The following KDM2A variants were observed in gnomAD, a reference collection of about 807,000 sequenced individuals.
The protein encoded by KDM2A is lysine demethylase 2A.
Under a neutral mutation model 137.3 loss-of-function variants are expected in KDM2A, and 3 were observed. That is an observed-to-expected ratio of 0.02 (90% CI 0.01 to 0.06). The LOEUF is 0.06. KDM2A is among the 10% of genes least tolerant of loss of function. KDM2A has a pLI of 1.00. For missense variants in KDM2A, 738 were observed against 1,510.6 expected, an observed-to-expected ratio of 0.49 and a Z score of 8.48; for synonymous variants, 512 against 541.5, an observed-to-expected ratio of 0.95 and a Z score of 0.76.
rs1843923712 is a variant in KDM2A at position 67,199,275 on chromosome 11, C to T, written c.308-8235C>T. Among the ~76,000 whole-genome samples, 2 of 152,168 alleles carry T rather than the reference C, an allele frequency of 1.3e-5. 1 individual carries two copies. Among genetic ancestry groups the T allele is most frequent in the South Asian group, 4.1e-4 (2 of 4,832 alleles). ...ATTGAAATTAGGCCAACTAATAACA[C>T]ATGGCCTCTTAAGTGTTCAAGTGAA... On this transcript the variant is annotated intron_variant, in intron 5 of 20. Transcript: ENST00000529006.
intron 2 of KDM2A, among the ~76,000 whole-genome samples, chr11:67,148,006 C>G (rs186962491): frequency 6.6e-6 from 1 of 151,940 alleles, no homozygotes; most frequent in Non-Finnish European, 1.5e-5. Context: ...GCAAATGTCT[C>G]TAGCTGATCA....
At chr11:67,168,121 T>G (rs1856787487) in intron 2 of KDM2A, among the ~76,000 whole-genome samples, 1 of 152,110 alleles carries the variant, frequency 6.6e-6, no homozygotes, top group Non-Finnish European at 1.5e-5. Context: ...TAGAAGAAAG[T>G]TTTATATATA....
intron 2 of KDM2A, among the ~76,000 whole-genome samples, chr11:67,156,705 C>T (rs573292366): frequency 8.4e-6 from 1 of 118,388 alleles, no homozygotes; most frequent in Non-Finnish European, 1.7e-5. Flanking sequence ...GGCAACAGAG[C>T]GAGACTCCAT....
chr11:67,209,650 G>A (rs55670148), intron 6 of KDM2A, among the ~76,000 whole-genome samples: 4 of 152,014 alleles, frequency 2.6e-5, no homozygotes, highest in African/African-American at 9.7e-5. Flanking sequence ...CACCATGTTG[G>A]CCAGGCTTGT....
At chr11:67,166,346 G>A (rs891548568) in intron 2 of KDM2A, among the ~76,000 whole-genome samples, 3 of 151,696 alleles carry the variant, frequency 2.0e-5, no homozygotes, top group African/African-American at 4.8e-5. Flanking sequence ...CATCATGCCC[G>A]GCTAATTTTC....
At chr11:67,161,449 GT>G (rs1200730073) in intron 2 of KDM2A, among the ~76,000 whole-genome samples, 26 of 152,150 alleles carry the variant, frequency 1.7e-4, no homozygotes, top group Admixed American at 1.7e-3. Context: ...GTATGTTGTA[GT>G]ACAGTGTTTT....
intron 6 of KDM2A, among the ~76,000 whole-genome samples, chr11:67,209,174 C>T (rs1180321393): frequency 1.3e-5 from 2 of 151,790 alleles, no homozygotes; most frequent in Admixed American, 6.6e-5. Context: ...CTCAAGTGAT[C>T]GACCTGCCTC....
intron 6 of KDM2A, among the ~76,000 whole-genome samples, chr11:67,210,279 T>C (rs1048900634): frequency 2.6e-5 from 4 of 152,128 alleles, no homozygotes; most frequent in Admixed American, 1.3e-4. Context: ...GGAGGATTGC[T>C]TGAGCCTAGT....
chr11:67,206,101 T>C (rs909254458), intron 5 of KDM2A, among the ~76,000 whole-genome samples: 2 of 152,228 alleles, frequency 1.3e-5, no homozygotes, highest in South Asian at 2.1e-4. Flanking sequence ...AGAGAAATTA[T>C]ATAACTTGTC....
intron 15 of KDM2A, among the ~76,000 whole-genome samples, chr11:67,247,782 G>A (rs1362723899): frequency 3.3e-5 from 5 of 152,174 alleles, no homozygotes; most frequent in Non-Finnish European, 7.4e-5. Flanking sequence ...GATGTAAATG[G>A]TGCATATTAC....
intron 11 of KDM2A, 87 bp from the exon 12 acceptor site, chr11:67,231,479 C>A (rs771947236): frequency 8.1e-7 from 1 of 1,227,248 alleles, no homozygotes; most frequent in Non-Finnish European, 1.1e-6. Flanking sequence ...TTTATAGCCT[C>A]AAGGCCCCTA....
At chr11:67,252,902 A>C (rs932732287) in intron 18 of KDM2A, 45 bp downstream of exon 18, 5 of 1,562,644 alleles carry the variant, frequency 3.2e-6, no homozygotes. Flanking sequence ...GCCCAGAAGA[A>C]GCGGGCAAGA....
At chr11:67,187,905 C>T (rs12282264) in intron 5 of KDM2A, among the ~76,000 whole-genome samples, 18,277 of 152,064 alleles carry the variant, frequency 0.12, 3,076 homozygotes, top group African/African-American at 0.38. Context: ...AAGAATGGTT[C>T]CAAGAGGGGC....
chr11:67,217,706 C>T (rs763341854), intron 8 of KDM2A, 25 bp from the exon 9 acceptor site: 1 of 1,611,654 alleles, frequency 6.2e-7, no homozygotes, highest in Non-Finnish European at 8.5e-7. Context: ...TGGCTGTTAA[C>T]AGACTAAAGT....
intron 2 of KDM2A, among the ~76,000 whole-genome samples, chr11:67,173,851 G>A (rs974744440): frequency 5.9e-5 from 9 of 151,882 alleles, no homozygotes; most frequent in East Asian, 1.9e-4. Context: ...TAGTACAGGC[G>A]CACATTACCA....
intron 10 of KDM2A, among the ~76,000 whole-genome samples, chr11:67,220,923 T>G (rs920618871): frequency 1.3e-5 from 2 of 151,990 alleles, no homozygotes; most frequent in Non-Finnish European, 2.9e-5. Flanking sequence ...TTTATATAGT[T>G]CATGATCATG....
rs560339204 is a variant in KDM2A at position 67,184,174 on chromosome 11, A to C, written c.307+2282A>C. ...TAATTGTTGCAGGCCTCTTCCCCTC[A>C]GCTGAACTGACTTCCAGGGGATTTA... is the stretch of plus-strand genomic sequence containing the variant. On this transcript the variant is annotated intron_variant, in intron 5 of 20. Coordinates refer to ENST00000529006, the MANE Select transcript of KDM2A (RefSeq NM_012308.3). 4.0e-5 allele frequency among the ~76,000 whole-genome samples: 6 copies of C among 151,038 alleles called. 1 individual carries two copies. In the South Asian group the frequency reaches 1.0e-3, roughly 26 times the overall value.
At chr11:67,160,548 G>C (rs973832168) in intron 2 of KDM2A, among the ~76,000 whole-genome samples, 3 of 152,178 alleles carry the variant, frequency 2.0e-5, no homozygotes, top group Admixed American at 1.3e-4. Context: ...AAGGTGGGTG[G>C]ATCATCTGAG....
intron 2 of KDM2A, among the ~76,000 whole-genome samples, chr11:67,150,174 CAGCTGTTTAGCCCGGAAATATGCA>C (rs1430625376): frequency 1.3e-5 from 2 of 152,190 alleles, no homozygotes; most frequent in East Asian, 3.9e-4. Context: ...GAAACAGCTA[CAGCTGTTTAGCCCGGAAATATGCA>C]TTTGTTTTTC....
Sources: allele counts gnomAD v4.1 joint callset (sites outside exome capture counted in the v4.1 genomes callset), GRCh38; gene constraint gnomAD v4.1.1; transcripts MANE v1.5; gene names NCBI Gene and HGNC (gene_info 2026-07-23, HGNC 2026-07-21).